EEF2K: variants seen among roughly 807,000 people sequenced by gnomAD.
EEF2K encodes alternative protein EEF2K.
Under a neutral mutation model 93.8 loss-of-function variants are expected in EEF2K, and 70 were observed. The ratio of observed to expected loss-of-function variants is 0.75; its 90% confidence interval spans 0.62 to 0.91. The LOEUF (loss-of-function observed/expected upper bound fraction) is 0.91, where lower values mean the gene tolerates loss of function less well. EEF2K is among the 40% of genes least tolerant of loss of function. The probability of loss-of-function intolerance (pLI) is 0.00; values close to 1 mark genes in which losing one functional copy is unlikely to be tolerated. For missense variants in EEF2K, 935 were observed against 972.9 expected (o/e 0.96, Z 0.52); for synonymous variants, 376 against 380.8 (o/e 0.99, Z 0.15).
intron 16 of EEF2K, among the ~76,000 whole-genome samples, chr16:22,278,796 G>A (rs917302897): frequency 1.3e-5 from 2 of 152,154 alleles, no homozygotes; most frequent in Non-Finnish European, 2.9e-5. Flanking sequence ...TGGTGCGTGG[G>A]TTTGGCTGGA....
chr16:22,283,896 A>T lies in EEF2K; in HGVS notation c.2078A>T (p.Tyr693Phe). 1 of 1,594,186 alleles carries T rather than the reference A, an allele frequency of 6.3e-7. No homozygotes were observed. Among genetic ancestry groups the T allele is most frequent in the Non-Finnish European group, 8.5e-7 (1 of 1,170,446 alleles). ...EKDPQRSGDL[Y>F]TQAAEAAMEA... The stretch of plus-strand genomic sequence containing the variant: ...CTTTGCTGTCTTTCAGGGGACTTGT[A>T]TACCCAGGCAGCAGAGGCAGCGATG... The change falls in exon 18 of 18, where the codon TAT (tyrosine) becomes TTT (phenylalanine). Residue 693 changes from tyrosine (Y) to phenylalanine (F), a missense_variant. Coordinates refer to ENST00000263026, the MANE Select transcript of EEF2K (RefSeq NM_013302.5).
intron 1 of EEF2K, among the ~76,000 whole-genome samples, chr16:22,219,750 A>G (rs186761387): frequency 9.8e-5 from 15 of 152,364 alleles, no homozygotes; most frequent in African/African-American, 3.6e-4. Context: ...AGATTATACA[A>G]GTTTAGCTAT....
intron 2 of EEF2K, 105 bp from the exon 3 acceptor site, chr16:22,244,525 C>T: frequency 1.9e-6 from 2 of 1,062,178 alleles, no homozygotes; most frequent in Admixed American, 1.9e-5. Flanking sequence ...TGTCCTGATA[C>T]TGTCTGCCTC....
rs767907482 is a variant in EEF2K, at chr16:22,266,665, C to T, written c.1576-23C>T. The T allele has an allele frequency of 8.2e-5, 130 of 1,592,382 alleles. 1 individual carries two copies. In the South Asian group the frequency reaches 9.3e-4, roughly 11 times the overall value. ...GCTTTGGCCCGCCAGACAGCCAGGCCGACACCGTAGTCTGTGTGGCAGGTC... is the reference window on the plus strand; with the variant it reads ...GCTTTGGCCCGCCAGACAGCCAGGCTGACACCGTAGTCTGTGTGGCAGGTC... On this transcript the variant is annotated intron_variant, in intron 14 of 17. Coordinates refer to ENST00000263026, the MANE Select transcript of EEF2K (RefSeq NM_013302.5).
chr16:22,256,665 G>A, intron 6 of EEF2K, 83 bp from the exon 7 acceptor site: 1 of 1,498,930 alleles, frequency 6.7e-7, no homozygotes, highest in Non-Finnish European at 8.9e-7. Flanking sequence ...AGGCAGGCGA[G>A]TTCCTCTGAG....
rs1021123708 is a variant in EEF2K at position 22,264,708 on chromosome 16, C to T, written c.1378-110C>T. 11 of 1,241,362 alleles carry T rather than the reference C, an allele frequency of 8.9e-6. No homozygotes were observed. The African/African-American group carries it at 1.2e-4, about 13-fold the overall frequency. 76.9% of individuals were successfully genotyped at this position (1,241,362 alleles called of 1,614,324 possible). A position where few individuals can be genotyped will look rare whatever the true frequency, so the allele number is the denominator to read the frequency against. ...GGCCAATTTTCTGAGATAAGGGTCA[C>T]CTAGGAGGGCCAGGCTGGTTCCAGG... On this transcript the variant is annotated intron_variant, in intron 12 of 17. Coordinates refer to ENST00000263026, the MANE Select transcript of EEF2K (RefSeq NM_013302.5).
At chr16:22,251,521 A>T in intron 6 of EEF2K, among the ~76,000 whole-genome samples, 199 bp downstream of exon 6, 1 of 151,938 alleles carries the variant, frequency 6.6e-6, no homozygotes, top group African/African-American at 2.4e-5. Flanking sequence ...CCCAGGTTCA[A>T]GCGATTCTCC....
chr16:22,211,216 A>G (rs925592117), intron 1 of EEF2K, among the ~76,000 whole-genome samples: 2 of 152,120 alleles, frequency 1.3e-5, no homozygotes, highest in Non-Finnish European at 2.9e-5. Flanking sequence ...AATTTTACAG[A>G]TGAAGAAGCT....
intron 2 of EEF2K, among the ~76,000 whole-genome samples, chr16:22,236,605 C>T (rs2047170258): frequency 6.6e-6 from 1 of 151,976 alleles, no homozygotes; most frequent in South Asian, 2.1e-4. Flanking sequence ...GATGTGTCCT[C>T]AAGTAACCAG....
intron 11 of EEF2K, among the ~76,000 whole-genome samples, chr16:22,261,649 C>G (rs1304767429): frequency 6.7e-6 from 1 of 149,532 alleles, no homozygotes; most frequent in Non-Finnish European, 1.5e-5. Flanking sequence ...GAGGTCGCAC[C>G]ACTGCACTCC....
intron 1 of EEF2K, among the ~76,000 whole-genome samples, chr16:22,210,499 T>C (rs2142097689): frequency 6.6e-6 from 1 of 152,312 alleles, no homozygotes; most frequent in African/African-American, 2.4e-5. Flanking sequence ...GTGAGGCTGC[T>C]GCAGTGGCTG....
intron 6 of EEF2K, among the ~76,000 whole-genome samples, chr16:22,256,413 T>G (rs554200240): frequency 1.3e-5 from 2 of 152,154 alleles, no homozygotes; most frequent in East Asian, 3.9e-4. Flanking sequence ...TTTTGTATTT[T>G]TAGTAGAGGC....
intron 1 of EEF2K, among the ~76,000 whole-genome samples, chr16:22,223,179 T>G (rs7201436): frequency 0.43 from 64,634 of 151,800 alleles, 15,669 homozygotes; most frequent in East Asian, 0.88. Context: ...ATCCATATTG[T>G]AGTGTATGTC....
At chr16:22,270,011 G>A (rs558948841) in intron 15 of EEF2K, among the ~76,000 whole-genome samples, 2 of 150,818 alleles carry the variant, frequency 1.3e-5, no homozygotes, top group South Asian at 2.1e-4. Context: ...AGGCTGGAGT[G>A]CAATGGTACA....
chr16:22,233,952 T>C (rs1370652798), intron 2 of EEF2K, among the ~76,000 whole-genome samples: 3 of 152,160 alleles, frequency 2.0e-5, no homozygotes, highest in African/African-American at 4.8e-5. Context: ...TATCATTTCA[T>C]TGTTGGAAGC....
intron 1 of EEF2K, among the ~76,000 whole-genome samples, chr16:22,217,224 TAGATAG>T (rs1371156815): frequency 8.7e-6 from 1 of 115,346 alleles, no homozygotes; most frequent in Non-Finnish European, 1.7e-5. Flanking sequence ...TATAGATAGA[TAGATAG>T]AGAGAGAGAG....
chr16:22,207,416 A>G (rs1208623101), intron 1 of EEF2K, among the ~76,000 whole-genome samples: 1 of 152,128 alleles, frequency 6.6e-6, no homozygotes, highest in Admixed American at 6.5e-5. Context: ...AAAGCAGGAA[A>G]CACTAGGGCT....
intron 16 of EEF2K, among the ~76,000 whole-genome samples, chr16:22,276,632 G>A (rs9935572): frequency 3.5e-4 from 53 of 152,262 alleles, no homozygotes; most frequent in African/African-American, 1.2e-3. Context: ...GGATAGCATC[G>A]GGTTGGGGTG....
At position 22,284,631 on chromosome 16, in the gene EEF2K, G is replaced by A. The variant is rs1246810622; in HGVS notation, c.*635G>A. 1 of 140,692 alleles carries A rather than the reference G, an allele frequency of 7.1e-6. No individual in the cohort carries two copies. The highest frequency in any genetic ancestry group is 1.9e-4 in the East Asian group (1 of 5,158). 8.7% of individuals were successfully genotyped at this position (140,692 alleles called of 1,614,324 possible). On this transcript the variant is annotated 3_prime_UTR_variant, in exon 18 of 18. Coordinates refer to ENST00000263026, the MANE Select transcript of EEF2K (RefSeq NM_013302.5). ...ATTTCTTTTTTTTTTTTTGTCACGAGATATAAGAAAGTGCTTTTTGCCTTG... is the reference window on the plus strand; with the variant it reads ...ATTTCTTTTTTTTTTTTTGTCACGAAATATAAGAAAGTGCTTTTTGCCTTG...
Sources: gnomAD v4.1 joint callset for allele counts (sites outside exome capture counted in the v4.1 genomes callset) on GRCh38, gnomAD v4.1.1 for gene constraint, MANE v1.5 for transcripts, NCBI Gene and HGNC (gene_info 2026-07-23, HGNC 2026-07-21) for gene names.